Variants in TYW5 observed in about 807,000 individuals in gnomAD.
TYW5 encodes the protein tRNA wybutosine-synthesizing protein 5.
Under a neutral mutation model 44.4 loss-of-function variants are expected in TYW5, and 36 were observed. The observed-to-expected ratio is 0.81, with a 90% CI of 0.62 to 1.07. TYW5 has a LOEUF of 1.07. Among genes scored for constraint, TYW5 ranks in the 50% least tolerant of loss-of-function variants. TYW5 has a pLI of 0.00. For synonymous variants in TYW5, 121 were observed against 128.1 expected (o/e 0.94, Z 0.37); for missense variants, 354 against 365.7 (o/e 0.97, Z 0.26).
rs1559301162 is a variant in TYW5 at position 199,936,440 on chromosome 2, A to G, written c.539T>C (p.Phe180Ser). The G allele has an allele frequency of 6.2e-7, 1 of 1,613,468 alleles. No individual in the cohort carries two copies. Among genetic ancestry groups the G allele is most frequent in the South Asian group, 1.1e-5 (1 of 91,044 alleles). The part of the protein sequence containing the change: ...QVTGKKRVVL[F>S]SPRDAQYLYL... ...TAAATACTGGGCATCTCGAGGACTGAAGAGTACAACACGCTTTTTTCCTGT... is the reference window on the plus strand; with the variant it reads ...TAAATACTGGGCATCTCGAGGACTGGAGAGTACAACACGCTTTTTTCCTGT... The change falls in exon 6 of 8, where the codon TTC becomes TCC. Residue 180 changes from phenylalanine to serine, a missense_variant. Phe to Ser is a radical substitution (Grantham distance 155). Coordinates refer to ENST00000354611, the MANE Select transcript of TYW5 (RefSeq NM_001039693.3).
chr2:199,938,521 C>T (rs1251835404), intron 5 of TYW5, among the ~76,000 whole-genome samples: 1 of 152,118 alleles, frequency 6.6e-6, no homozygotes, highest in Non-Finnish European at 1.5e-5. Context: ...AATAACATAA[C>T]TTTGCATGAC....
intron 3 of TYW5, chr2:199,942,180 C>T (rs2077470377): frequency 6.6e-6 from 1 of 152,204 alleles, no homozygotes; most frequent in Non-Finnish European, 1.5e-5. Flanking sequence ...CATTCTCCTG[C>T]CTCAGCCTCC....
intron 7 of TYW5, among the ~76,000 whole-genome samples, chr2:199,933,920 G>A (rs72928211): frequency 1.2e-4 from 18 of 152,134 alleles, no homozygotes; most frequent in Non-Finnish European, 2.1e-4. Flanking sequence ...AAATATTTTG[G>A]TGGTGGAAAT....
chr2:199,955,360 T>G (rs1161619354), intron 1 of TYW5, 33 bp downstream of exon 1: 3 of 1,608,158 alleles, frequency 1.9e-6, no homozygotes, highest in Non-Finnish European at 2.5e-6. Flanking sequence ...TCTCGCTGGT[T>G]TCTCGAGGTT....
chr2:199,946,252 GTGGGGTTA>G, intron 2 of TYW5: 1 of 152,168 alleles, frequency 6.6e-6, no homozygotes, highest in African/African-American at 2.4e-5. Flanking sequence ...AGGACAGATG[GTGGGGTTA>G]ACAACAATGA....
intron 1 of TYW5, among the ~76,000 whole-genome samples, chr2:199,950,640 C>CTGTGTGTGTGTA (rs538435521): frequency 6.6e-6 from 1 of 151,804 alleles, no homozygotes; most frequent in Non-Finnish European, 1.5e-5. Context: ...GCATGTGGGT[C>CTGTGTGTGTGTA]TGTGTGTGTG....
intron 7 of TYW5, among the ~76,000 whole-genome samples, chr2:199,934,964 T>C (rs1272183902): frequency 2.6e-5 from 4 of 152,042 alleles, no homozygotes; most frequent in Non-Finnish European, 4.4e-5. Flanking sequence ...AACATTTTAA[T>C]ATGAAATCTT....
At chr2:199,945,817 C>A (rs148502784) in intron 2 of TYW5, 76 of 152,368 alleles carry the variant, frequency 5.0e-4, no homozygotes, top group African/African-American at 1.8e-3. Flanking sequence ...CACCAGCAAC[C>A]TTTTCTCCTA....
Position 199,929,473 on chromosome 2 carries a change from A to G in TYW5, c.*3594T>C, listed in dbSNP as rs774228944. On this transcript the variant is annotated 3_prime_UTR_variant, in exon 8 of 8. Coordinates refer to ENST00000354611, the MANE Select transcript of TYW5 (RefSeq NM_001039693.3). ...CAATCTATGTTAGTTCCTCCTGACT[A>G]CATCTATTTTTTAGCACTGGGGAAA... 1.1e-4 allele frequency among the ~76,000 whole-genome samples: 17 copies of G among 151,934 alleles called. No homozygotes were observed. The highest frequency in any genetic ancestry group is 1.5e-4 in the Non-Finnish European group (10 of 68,004).
chr2:199,945,298 ATGCCGTT>A (rs1360798341), intron 2 of TYW5: 5 of 152,182 alleles, frequency 3.3e-5, no homozygotes, highest in African/African-American at 1.2e-4. Flanking sequence ...CCCTGCTAGA[ATGCCGTT>A]TCCTGCCTTA....
chr2:199,943,155 C>G (rs912100865), intron 3 of TYW5: 1 of 152,228 alleles, frequency 6.6e-6, no homozygotes, highest in Non-Finnish European at 1.5e-5. Flanking sequence ...TGCGCTCGAC[C>G]AACACAGGAA....
At chr2:199,938,265 C>T (rs886803149) in intron 5 of TYW5, among the ~76,000 whole-genome samples, 4 of 151,960 alleles carry the variant, frequency 2.6e-5, no homozygotes, top group Admixed American at 2.6e-4. Context: ...GGGGTTTCAC[C>T]GTGTTAGCCA....
intron 1 of TYW5, 51 bp downstream of exon 1, chr2:199,955,342 G>C (rs1258556872): frequency 1.3e-6 from 2 of 1,593,746 alleles, no homozygotes; most frequent in African/African-American, 1.3e-5. Context: ...GAAAGGTAAA[G>C]ACGTGTCTCT....
In TYW5 at chr2:199,930,911, C is replaced by A. The variant is rs992639501; in HGVS notation, c.*2156G>T. On this transcript the variant is annotated 3_prime_UTR_variant, in exon 8 of 8. Coordinates refer to ENST00000354611, the MANE Select transcript of TYW5 (RefSeq NM_001039693.3). ...TAAAAAAGTTCTAAGATTCAGAATTCCTGAGAAGTTGCAGCTAACATACAC... is the reference window on the plus strand; with the variant it reads ...TAAAAAAGTTCTAAGATTCAGAATTACTGAGAAGTTGCAGCTAACATACAC... 1.3e-5 allele frequency: 2 copies of A among 152,068 alleles called. No individual in the cohort carries two copies. Among genetic ancestry groups the A allele is most frequent in the African/African-American group, 4.8e-5 (2 of 41,396 alleles). 9.4% of individuals were successfully genotyped at this position (152,068 alleles called of 1,614,324 possible).
intron 4 of TYW5, 56 bp from the exon 5 acceptor site, chr2:199,939,126 G>A (rs891956011): frequency 6.7e-7 from 1 of 1,488,584 alleles, no homozygotes; most frequent in Non-Finnish European, 9.0e-7. Context: ...TGATATTAAG[G>A]AAGACTGGGG....
intron 5 of TYW5, among the ~76,000 whole-genome samples, chr2:199,937,202 T>C (rs2105693877): frequency 6.6e-6 from 1 of 152,302 alleles, no homozygotes; most frequent in African/African-American, 2.4e-5. Context: ...TTCATGATTT[T>C]TTACTTCTAC....
At position 199,930,009 on chromosome 2, in the gene TYW5, T is replaced by A. The variant is rs2077363149; in HGVS notation, c.*3058A>T. ...TTTTTTTTTTGAGACAGGGTCTCACTCTGTCACCCAGGCTGGAGTGCAGTT... is the reference window on the plus strand; with the variant it reads ...TTTTTTTTTTGAGACAGGGTCTCACACTGTCACCCAGGCTGGAGTGCAGTT... On this transcript the variant is annotated 3_prime_UTR_variant, in exon 8 of 8. Transcript: ENST00000354611. 7.0e-6 allele frequency: 1 copy of A among 142,900 alleles called. No individual in the cohort carries two copies. Among genetic ancestry groups the A allele is most frequent in the Non-Finnish European group, 1.5e-5 (1 of 68,596 alleles). The allele number at this position is 142,900 out of a possible 1,614,324, so 8.9% of individuals were successfully genotyped here. A position where few individuals can be genotyped will look rare whatever the true frequency, so the allele number is the denominator to read the frequency against.
intron 1 of TYW5, among the ~76,000 whole-genome samples, chr2:199,953,426 G>A (rs890775674): frequency 2.0e-5 from 3 of 152,204 alleles, no homozygotes; most frequent in African/African-American, 7.2e-5. Context: ...GGCTATCCAT[G>A]TGTCAGGGCA....
rs1360172877 is a variant in TYW5 at position 199,936,059 on chromosome 2, C to T, written c.575-12G>A. 1 of 1,428,518 alleles carries T rather than the reference C, an allele frequency of 7.0e-7. No individual in the cohort carries two copies. The highest frequency in any genetic ancestry group is 2.3e-5 in the East Asian group (1 of 43,868). 88.5% of individuals were successfully genotyped at this position (1,428,518 alleles called of 1,614,324 possible). On this transcript the variant is annotated splice_polypyrimidine_tract_variant and intron_variant, in intron 6 of 7. Coordinates refer to ENST00000354611, the MANE Select transcript of TYW5 (RefSeq NM_001039693.3). ...TTCTGATTTAGTACCTAAAAAGTTC[C>T]AAAAAGGGATAATATAGATTCAGCA...
Sources: gnomAD v4.1 joint callset for allele counts (sites outside exome capture counted in the v4.1 genomes callset) on GRCh38, gnomAD v4.1.1 for gene constraint, MANE v1.5 for transcripts, NCBI Gene and HGNC (gene_info 2026-07-23, HGNC 2026-07-21) for gene names.